Variants in VEGFC observed in about 807,000 individuals in gnomAD.
VEGFC encodes FLT4 ligand DHM.
Under a neutral mutation model 46.1 loss-of-function variants are expected in VEGFC, and 12 were observed. The observed-to-expected ratio is 0.26, with a 90% confidence interval of 0.17 to 0.42. VEGFC has a LOEUF of 0.42. Ranked by LOEUF, VEGFC falls within the 10% of genes least tolerant of loss-of-function variation. VEGFC has a pLI of 1.00. For synonymous variants in VEGFC, 232 were observed against 195.5 expected (o/e 1.19, Z -1.56); for missense variants, 488 against 529.4 (o/e 0.92, Z 0.77).
chr4:176,783,025 G>A lies in VEGFC; in HGVS notation c.147+9140C>T, dbSNP rs572949650. 4.6e-5 allele frequency among the ~76,000 whole-genome samples: 7 copies of A among 152,292 alleles called. No individual in the cohort carries two copies. The East Asian group carries it at 1.3e-3, about 29-fold the overall frequency. The stretch of plus-strand genomic sequence containing the variant: ...ACGGGCCTCCAATGCCCCCAGCACT[G>A]TAGTCTTCAGCACAGGGTAACCACG... On this transcript the variant is annotated intron_variant, in intron 1 of 6. Coordinates refer to ENST00000618562, the MANE Select transcript of VEGFC (RefSeq NM_005429.5).
At chr4:176,729,417 C>T in intron 2 of VEGFC, 116 bp downstream of exon 2, 1 of 784,964 alleles carries the variant, frequency 1.3e-6, no homozygotes, top group Non-Finnish European at 1.9e-6. Context: ...TTTCTATTTG[C>T]TTTCCGCCCT....
chr4:176,727,748 T>G lies in VEGFC; in HGVS notation c.552+30A>C, dbSNP rs778752521. On this transcript the variant is annotated intron_variant, in intron 3 of 6. Transcript: ENST00000618562. ...TTAAAGCTTCTGATTAAGGGGGCTC[T>G]CGCAGGTAGCAGGAATGGGCAATAC... The G allele has an allele frequency of 3.2e-6, 5 of 1,585,828 alleles. No homozygotes were observed. In the South Asian group the frequency reaches 4.7e-5, roughly 15 times the overall value.
At chr4:176,736,263 A>G (rs1468296517) in intron 1 of VEGFC, among the ~76,000 whole-genome samples, 1 of 151,848 alleles carries the variant, frequency 6.6e-6, no homozygotes, top group East Asian at 1.9e-4. Context: ...AAATGCCCAT[A>G]TTTTGTATAA....
chr4:176,715,187 C>CT (rs1002040197), intron 3 of VEGFC, among the ~76,000 whole-genome samples: 1 of 152,082 alleles, frequency 6.6e-6, no homozygotes, highest in African/African-American at 2.4e-5. Flanking sequence ...TCTCATTTCT[C>CT]TTTTTTGTGT....
At chr4:176,763,900 C>T (rs555440241) in intron 1 of VEGFC, among the ~76,000 whole-genome samples, 12 of 151,714 alleles carry the variant, frequency 7.9e-5, no homozygotes, top group Non-Finnish European at 1.3e-4. Context: ...TTCAATGGAA[C>T]GGTATCTCAA....
At chr4:176,715,646 T>C (rs1378678937) in intron 3 of VEGFC, among the ~76,000 whole-genome samples, 1 of 152,148 alleles carries the variant, frequency 6.6e-6, no homozygotes, top group African/African-American at 2.4e-5. Flanking sequence ...ATATAGTAAA[T>C]TCTATTTTCT....
chr4:176,767,124 A>AAAAAAAAAAAAAAAAAAAAAAAAAAAAC, intron 1 of VEGFC, among the ~76,000 whole-genome samples: 1 of 7,596 alleles, frequency 1.3e-4, no homozygotes, highest in Admixed American at 3.6e-3. Context: ...GTAGAAATCT[A>AAAAAAAAAAAAAAAAAAAAAAAAAAAAC]AAAAAAAAAA....
At chr4:176,702,834 A>C (rs532157360) in intron 4 of VEGFC, among the ~76,000 whole-genome samples, 7 of 152,256 alleles carry the variant, frequency 4.6e-5, no homozygotes, top group African/African-American at 1.7e-4. Flanking sequence ...AATAAAAAAA[A>C]CATAAAAACT....
At chr4:176,744,189 T>C (rs1735223148) in intron 1 of VEGFC, among the ~76,000 whole-genome samples, 1 of 152,016 alleles carries the variant, frequency 6.6e-6, no homozygotes, top group African/African-American at 2.4e-5. Context: ...ATCCATTGAC[T>C]CTGTCTGGCT....
chr4:176,686,577 T>C (rs1485762), intron 6 of VEGFC, among the ~76,000 whole-genome samples: 95,141 of 151,978 alleles, frequency 0.63, 30,816 homozygotes, highest in South Asian at 0.74. Context: ...GTAGGATCAA[T>C]TTATTCTCTG....
chr4:176,738,814 T>C (rs1360677863), intron 1 of VEGFC, among the ~76,000 whole-genome samples: 1 of 151,676 alleles, frequency 6.6e-6, no homozygotes, highest in African/African-American at 2.4e-5. Flanking sequence ...CTGACAAAAG[T>C]CTAATATCCA....
intron 1 of VEGFC, among the ~76,000 whole-genome samples, chr4:176,736,953 G>A (rs1735064746): frequency 6.6e-6 from 1 of 151,086 alleles, no homozygotes; most frequent in Non-Finnish European, 1.5e-5. Context: ...TTTAAGTAAT[G>A]ATCCTTCCAG....
At chr4:176,744,881 A>T (rs1238550704) in intron 1 of VEGFC, among the ~76,000 whole-genome samples, 1 of 152,094 alleles carries the variant, frequency 6.6e-6, no homozygotes, top group African/African-American at 2.4e-5. Flanking sequence ...TGCACTAATT[A>T]CAAAGCCTGT....
chr4:176,746,946 C>T (rs539143853), intron 1 of VEGFC, among the ~76,000 whole-genome samples: 3 of 152,148 alleles, frequency 2.0e-5, no homozygotes, highest in South Asian at 4.1e-4. Flanking sequence ...TTGAGTGCTT[C>T]GATATCACAG....
chr4:176,706,153 T>C (rs1465070220), intron 4 of VEGFC: 1 of 152,176 alleles, frequency 6.6e-6, no homozygotes, highest in African/African-American at 2.4e-5. Context: ...ATATGTGTTG[T>C]TCTTACTTGA....
At chr4:176,728,493 T>C (rs512533) in intron 2 of VEGFC, among the ~76,000 whole-genome samples, 131,291 of 151,772 alleles carry the variant, frequency 0.87, 57,461 homozygotes, top group East Asian at 1. Flanking sequence ...ATGTCGTGGC[T>C]GCAGCTACAT....
chr4:176,725,528 T>C (rs1234797283), intron 3 of VEGFC, among the ~76,000 whole-genome samples: 1 of 152,034 alleles, frequency 6.6e-6, no homozygotes, highest in African/African-American at 2.4e-5. Context: ...GAAAAGATTA[T>C]GAAGAAAGGA....
chr4:176,685,242 A>G (rs796631860), intron 6 of VEGFC, among the ~76,000 whole-genome samples: 1 of 152,252 alleles, frequency 6.6e-6, no homozygotes, highest in African/African-American at 2.4e-5. Flanking sequence ...ATGCAAATTC[A>G]TAGTTATGAC....
chr4:176,760,126 A>T (rs1404752908), intron 1 of VEGFC, among the ~76,000 whole-genome samples: 1 of 152,200 alleles, frequency 6.6e-6, no homozygotes, highest in Non-Finnish European at 1.5e-5. Context: ...AGATATTTTT[A>T]AAGCAGGCTA....
Sources: allele counts gnomAD v4.1 joint callset (sites outside exome capture counted in the v4.1 genomes callset), GRCh38; gene constraint gnomAD v4.1.1; transcripts MANE v1.5; gene names NCBI Gene and HGNC (gene_info 2026-07-23, HGNC 2026-07-21).